KCNG3: variants seen among roughly 807,000 people sequenced by gnomAD.
KCNG3 encodes voltage-gated potassium channel regulatory subunit KCNG3.
KCNG3 carries 15 observed loss-of-function variants against 29.0 expected under a neutral mutation model. The ratio of observed to expected loss-of-function variants is 0.52; its 90% CI spans 0.35 to 0.80. The LOEUF (loss-of-function observed/expected upper bound fraction) is 0.80. Ranked by LOEUF, KCNG3 falls within the 30% of genes least tolerant of loss-of-function variation. KCNG3 has a pLI of 0.01. For missense variants in KCNG3, 512 were observed against 605.7 expected, an observed-to-expected ratio of 0.85 and a Z score of 1.62; for synonymous variants, 322 against 248.9, an observed-to-expected ratio of 1.29 and a Z score of -2.76.
intron 1 of KCNG3, among the ~76,000 whole-genome samples, chr2:42,470,997 T>C (rs1316533871): frequency 6.6e-6 from 1 of 151,760 alleles, no homozygotes; most frequent in African/African-American, 2.4e-5. Context: ...ACAAAAAATG[T>C]TTAAATTAGC....
chr2:42,441,208 C>G (rs1672473074), downstream of KCNG3, among the ~76,000 whole-genome samples: 1 of 151,262 alleles, frequency 6.6e-6, no homozygotes, highest in South Asian at 2.1e-4. Context: ...CAGTGAGACC[C>G]CTATCTCTAC....
chr2:42,451,203 T>TCAAAAA (rs1672743901), intron 1 of KCNG3, among the ~76,000 whole-genome samples: 1 of 16,326 alleles, frequency 6.1e-5, no homozygotes, highest in Non-Finnish European at 1.1e-4. Flanking sequence ...AGACTCCAAC[T>TCAAAAA]CAAAAAAAAA....
chr2:42,400,084 G>A, the KCNG3 span, among the ~76,000 whole-genome samples: 1 of 152,128 alleles, frequency 6.6e-6, no homozygotes, highest in African/African-American at 2.4e-5. Context: ...ACTCAAGTGT[G>A]GGCAACAGAA....
At chr2:42,406,829 A>G in the KCNG3 span, among the ~76,000 whole-genome samples, 5 of 145,974 alleles carry the variant, frequency 3.4e-5, no homozygotes, top group African/African-American at 1.2e-4. Flanking sequence ...TCCTTCTCAA[A>G]AAAAAAAAAA....
the KCNG3 span, among the ~76,000 whole-genome samples, chr2:42,397,216 C>G: frequency 6.6e-6 from 1 of 151,008 alleles, no homozygotes; most frequent in Non-Finnish European, 1.5e-5. Flanking sequence ...TGCACTCCAG[C>G]CTGGGCAACA....
At chr2:42,457,554 T>C (rs1672904865) in intron 1 of KCNG3, among the ~76,000 whole-genome samples, 1 of 150,536 alleles carries the variant, frequency 6.6e-6, no homozygotes, top group Non-Finnish European at 1.5e-5. Context: ...GTTAATAATA[T>C]TTACAAGGCT....
chr2:42,391,425 T>C, the KCNG3 span, among the ~76,000 whole-genome samples: 2 of 152,110 alleles, frequency 1.3e-5, no homozygotes, highest in Admixed American at 6.5e-5. Context: ...ATCCTTAAGA[T>C]TGGCTTATTT....
chr2:42,490,634 G>C (rs369331216), intron 1 of KCNG3, among the ~76,000 whole-genome samples: 80 of 152,194 alleles, frequency 5.3e-4, no homozygotes, highest in African/African-American at 1.8e-3. Flanking sequence ...ACAATATTTG[G>C]AACACCAGCA....
At chr2:42,424,671 GCT>G in the KCNG3 span, 2 of 152,106 alleles carry the variant, frequency 1.3e-5, no homozygotes, top group Non-Finnish European at 2.9e-5. Context: ...AGAAACCATT[GCT>G]CTGATTAATA....
chr2:42,428,983 G>A, the KCNG3 span, among the ~76,000 whole-genome samples: 3 of 152,132 alleles, frequency 2.0e-5, no homozygotes, highest in African/African-American at 7.2e-5. Flanking sequence ...ACCAGGTGTA[G>A]TGGTGCACTC....
At chr2:42,393,457 A>C in the KCNG3 span, among the ~76,000 whole-genome samples, 1 of 152,034 alleles carries the variant, frequency 6.6e-6, no homozygotes, top group Non-Finnish European at 1.5e-5. Flanking sequence ...GCTATTCTGG[A>C]GGCTGAGGCA....
At chr2:42,403,001 T>A in the KCNG3 span, among the ~76,000 whole-genome samples, 1 of 152,258 alleles carries the variant, frequency 6.6e-6, no homozygotes. Context: ...GACTACTGAA[T>A]CTTCCCTTTC....
At chr2:42,459,441 G>A (rs1672962710) in intron 1 of KCNG3, among the ~76,000 whole-genome samples, 1 of 152,208 alleles carries the variant, frequency 6.6e-6, no homozygotes, top group Admixed American at 6.5e-5. Context: ...GGCACGAAAT[G>A]TGCATGGCTT....
At chr2:42,434,191 C>T in the KCNG3 span, among the ~76,000 whole-genome samples, 3 of 152,118 alleles carry the variant, frequency 2.0e-5, no homozygotes, top group African/African-American at 7.2e-5. Flanking sequence ...GTAGCCTACA[C>T]CTGTAATCCC....
chr2:42,486,783 T>C (rs146386845), intron 1 of KCNG3, among the ~76,000 whole-genome samples: 1 of 152,306 alleles, frequency 6.6e-6, no homozygotes, highest in East Asian at 1.9e-4. Context: ...CAGGAACCCT[T>C]TGTAGGAACC....
chr2:42,431,711 G>T, the KCNG3 span, among the ~76,000 whole-genome samples: 2 of 152,132 alleles, frequency 1.3e-5, no homozygotes, highest in Admixed American at 6.5e-5. Context: ...ATTTCACAAT[G>T]ATTACACTCA....
chr2:42,493,776 C>G lies in KCNG3; in HGVS notation c.-275G>C, dbSNP rs995998257. 1 of 292,342 alleles carries G rather than the reference C, an allele frequency of 3.4e-6. No individual in the cohort carries two copies. Among genetic ancestry groups the G allele is most frequent in the Non-Finnish European group, 6.3e-6 (1 of 158,138 alleles). The allele number at this position is 292,342 out of a possible 1,614,324, so 18.1% of individuals were successfully genotyped here. ...CGCTGAGCCCCACCGGCTGGGAACG[C>G]GGCTGTGTCCGCGCCGCCGACCCTC... On this transcript the variant is annotated 5_prime_UTR_variant, in exon 1 of 2. Transcript: ENST00000306078.
At chr2:42,412,929 CTTTT>C in the KCNG3 span, among the ~76,000 whole-genome samples, 110 of 152,060 alleles carry the variant, frequency 7.2e-4, no homozygotes, top group Non-Finnish European at 3.1e-4. Flanking sequence ...ATGTTTCTTT[CTTTT>C]TTATTTATTT....
the KCNG3 span, among the ~76,000 whole-genome samples, chr2:42,397,244 C>CA: frequency 0.014 from 1,354 of 98,990 alleles, 15 homozygotes; most frequent in African/African-American, 0.043. Flanking sequence ...AACTCCATCT[C>CA]AAAAAAAAAA....
Sources: gnomAD v4.1 joint callset for allele counts (sites outside exome capture counted in the v4.1 genomes callset) on GRCh38, gnomAD v4.1.1 for gene constraint, MANE v1.5 for transcripts, NCBI Gene and HGNC (gene_info 2026-07-23, HGNC 2026-07-21) for gene names.